Variants in RAB28 observed in about 807,000 individuals in gnomAD.
RAB28 encodes the protein RAB28, member RAS oncogene family.
RAB28 carries 24 observed loss-of-function variants against 31.7 expected under a neutral mutation model. The observed-to-expected ratio is 0.76, with a 90% confidence interval of 0.55 to 1.06. The LOEUF is 1.06. Among genes scored for constraint, RAB28 ranks in the 50% least tolerant of loss-of-function variants. The probability of loss-of-function intolerance (pLI) is 0.00; values close to 1 mark genes in which losing one functional copy is unlikely to be tolerated. For synonymous variants in RAB28, 100 were observed against 90.4 expected (o/e 1.11, Z -0.60); for missense variants, 254 against 258.5 (o/e 0.98, Z 0.12).
rs538573258 is a variant in RAB28 at position 13,449,852 on chromosome 4, G to A, written c.391+10847C>T. Reference sequence around the variant, plus strand: ...TAAGAAGCTATAAATCAGGAAGAGGGCAGCTTCTATGTAACCCCTGTTAAT... The same window carrying A: ...TAAGAAGCTATAAATCAGGAAGAGGACAGCTTCTATGTAACCCCTGTTAAT... On this transcript the variant is annotated intron_variant, in intron 4 of 6. Coordinates refer to ENST00000330852, the MANE Select transcript of RAB28 (RefSeq NM_001017979.3). 3.3e-5 allele frequency among the ~76,000 whole-genome samples: 5 copies of A among 151,902 alleles called. No individual in the cohort carries two copies. In the South Asian group the frequency reaches 1.0e-3, roughly 32 times the overall value.
intron 2 of RAB28, among the ~76,000 whole-genome samples, chr4:13,475,713 A>C (rs1716332275): frequency 6.6e-6 from 1 of 151,572 alleles, no homozygotes; most frequent in African/African-American, 2.4e-5. Context: ...ACACACTTTC[A>C]ACACTTAGAC....
chr4:13,417,066 G>A lies in RAB28; in HGVS notation c.392-35472C>T, dbSNP rs145107286. ...CGCTTTTCCAATGGTCTTAGCAAACGGCACATCAGGAGATTATATCCTGCA... is the reference window on the plus strand; with the variant it reads ...CGCTTTTCCAATGGTCTTAGCAAACAGCACATCAGGAGATTATATCCTGCA... On this transcript the variant is annotated intron_variant, in intron 4 of 6. Transcript: ENST00000330852. Among the ~76,000 whole-genome samples the A allele has an allele frequency of 2.5e-3, 385 of 152,328 alleles. 3 individuals are homozygous for A. The highest frequency in any genetic ancestry group is 0.024 in the Middle Eastern group (7 of 294).
At chr4:13,399,989 C>A (rs188506598) in intron 4 of RAB28, among the ~76,000 whole-genome samples, 11 of 151,944 alleles carry the variant, frequency 7.2e-5, no homozygotes, top group Non-Finnish European at 1.6e-4. Flanking sequence ...TTTTTTTATT[C>A]TGTAAAGTTG....
chr4:13,429,528 A>T (rs1163884160), intron 4 of RAB28, among the ~76,000 whole-genome samples: 2 of 152,242 alleles, frequency 1.3e-5, no homozygotes, highest in Admixed American at 6.5e-5. Context: ...ATTTCCATTA[A>T]CAACTTTACA....
At chr4:13,415,823 ACTGGGTGAAGCCAG>A (rs1243890779) in intron 4 of RAB28, among the ~76,000 whole-genome samples, 1 of 152,192 alleles carries the variant, frequency 6.6e-6, no homozygotes, top group Non-Finnish European at 1.5e-5. Flanking sequence ...TGCAGGATCC[ACTGGGTGAAGCCAG>A]CTGGGCTCCT....
chr4:13,480,043 G>C (rs1441457403), intron 1 of RAB28, among the ~76,000 whole-genome samples: 1 of 151,452 alleles, frequency 6.6e-6, no homozygotes, highest in African/African-American at 2.4e-5. Flanking sequence ...TTTTAAAGAT[G>C]CTAAATGAAA....
chr4:13,460,923 G>A (rs1715559147), intron 3 of RAB28, 95 bp from the exon 4 acceptor site: 11 of 1,182,320 alleles, frequency 9.3e-6, no homozygotes, highest in Non-Finnish European at 1.3e-5. Context: ...GTCAAAATGG[G>A]TATAAAAATA....
chr4:13,373,959 A>ATGTATGTATG (rs574362033), intron 6 of RAB28, among the ~76,000 whole-genome samples: 9 of 151,308 alleles, frequency 5.9e-5, no homozygotes, highest in Non-Finnish European at 8.9e-5. Context: ...GTATGTATGT[A>ATGTATGTATG]TGTGTGTGTG....
chr4:13,426,771 G>A (rs747623729), intron 4 of RAB28, among the ~76,000 whole-genome samples: 3 of 152,054 alleles, frequency 2.0e-5, no homozygotes, highest in Non-Finnish European at 2.9e-5. Context: ...ATTCAACAGG[G>A]TTAATCAAAA....
chr4:13,474,777 T>C (rs1716274583), intron 2 of RAB28, among the ~76,000 whole-genome samples: 1 of 151,572 alleles, frequency 6.6e-6, no homozygotes, highest in Non-Finnish European at 1.5e-5. Flanking sequence ...AACTGAAGCT[T>C]TATATACTCA....
chr4:13,388,236 T>G (rs1729467189), intron 4 of RAB28, among the ~76,000 whole-genome samples: 1 of 152,018 alleles, frequency 6.6e-6, no homozygotes, highest in African/African-American at 2.4e-5. Flanking sequence ...CAAATGATCT[T>G]CTATAAGGAG....
chr4:13,416,991 G>A (rs572622922), intron 4 of RAB28, among the ~76,000 whole-genome samples: 4 of 152,366 alleles, frequency 2.6e-5, no homozygotes, highest in Admixed American at 6.5e-5. Flanking sequence ...AGCCAAGGAA[G>A]CCATGACAGA....
chr4:13,478,979 T>C (rs539884047), intron 2 of RAB28, among the ~76,000 whole-genome samples: 2 of 151,718 alleles, frequency 1.3e-5, no homozygotes, highest in South Asian at 2.1e-4. Flanking sequence ...CATTCACATA[T>C]TAGAGCACAG....
chr4:13,453,346 T>C (rs886505165), intron 4 of RAB28, among the ~76,000 whole-genome samples: 1 of 152,170 alleles, frequency 6.6e-6, no homozygotes, highest in Admixed American at 6.5e-5. Flanking sequence ...TACCCTTTGT[T>C]CCTTACTTCC....
At chr4:13,429,039 G>C (rs1363913833) in intron 4 of RAB28, among the ~76,000 whole-genome samples, 2 of 150,718 alleles carry the variant, frequency 1.3e-5, no homozygotes, top group African/African-American at 4.9e-5. Context: ...CCACCTCCCA[G>C]GTTCAAGTGA....
At chr4:13,397,936 G>C (rs1560276461) in intron 4 of RAB28, among the ~76,000 whole-genome samples, 1 of 151,884 alleles carries the variant, frequency 6.6e-6, no homozygotes, top group African/African-American at 2.4e-5. Context: ...GGATCATAAT[G>C]AATCTTCATA....
intron 6 of RAB28, chr4:13,370,916 A>T (rs571548428): frequency 1.0e-6 from 1 of 965,144 alleles, no homozygotes; most frequent in Non-Finnish European, 1.2e-6. Context: ...AAAAGACCAT[A>T]TGTGACAAAT....
At chr4:13,457,618 A>T (rs1327750010) in intron 4 of RAB28, among the ~76,000 whole-genome samples, 1 of 152,032 alleles carries the variant, frequency 6.6e-6, no homozygotes, top group African/African-American at 2.4e-5. Context: ...AAAAAGAAAA[A>T]AAAAAACCTC....
At chr4:13,473,811 G>T in intron 3 of RAB28, 1 of 366,732 alleles carries the variant, frequency 2.7e-6, no homozygotes, top group Non-Finnish European at 5.4e-6. Context: ...ATTATTGTAT[G>T]TGTTTCACAT....
Sources: allele counts gnomAD v4.1 joint callset (sites outside exome capture counted in the v4.1 genomes callset), GRCh38; gene constraint gnomAD v4.1.1; transcripts MANE v1.5; gene names NCBI Gene and HGNC (gene_info 2026-07-23, HGNC 2026-07-21).